The following POTEF variants were observed in gnomAD, a reference collection of about 807,000 sequenced individuals.
POTEF encodes ANKRD26-like family C member 1B.
A neutral mutation model predicts 83.2 loss-of-function variants in POTEF; 20 were observed. The ratio of observed to expected loss-of-function variants is 0.24; its 90% CI spans 0.17 to 0.35. The LOEUF (loss-of-function observed/expected upper bound fraction) is 0.35, where lower values mean the gene tolerates loss of function less well. Among genes scored for constraint, POTEF ranks in the 10% least tolerant of loss-of-function variants. POTEF has a pLI of 1.00. For missense variants in POTEF, 550 were observed against 1,203.2 expected, an observed-to-expected ratio of 0.46 and a Z score of 8.03; for synonymous variants, 196 against 446.4, an observed-to-expected ratio of 0.44 and a Z score of 7.07.
rs1684964189 is a variant in POTEF, at chr2:130,120,251, A to AGTC, written c.262_264dup (p.Asp88dup). 1 of 1,583,562 alleles carries AGTC rather than the reference A, an allele frequency of 6.3e-7. No individual in the cohort carries two copies. The highest frequency in any genetic ancestry group is 1.5e-5 in the African/African-American group (1 of 66,358). ...TTGTTCCTGAGTGTCTTCATAGCAG[A>AGTC]GTCGTCGTGGTCTCCAGAAGCGCCC... On this transcript the variant is annotated inframe_insertion, in exon 3 of 17. Coordinates refer to ENST00000409914, the MANE Select transcript of POTEF (RefSeq NM_001099771.2).
At chr2:130,109,734 G>T (rs1162929552) in intron 7 of POTEF, 2 of 150,914 alleles carry the variant, frequency 1.3e-5, no homozygotes, top group Non-Finnish European at 2.9e-5. Flanking sequence ...CAGCCTCAAA[G>T]GATCTCTTAC....
At chr2:130,119,142 T>C (rs1246729844) in intron 3 of POTEF, among the ~76,000 whole-genome samples, 2 of 151,284 alleles carry the variant, frequency 1.3e-5, no homozygotes, top group African/African-American at 4.9e-5. Context: ...TAGGTAAAAG[T>C]GATAAATAGA....
chr2:130,096,873 CA>C (rs1684251310), intron 11 of POTEF, among the ~76,000 whole-genome samples: 1 of 141,294 alleles, frequency 7.1e-6, no homozygotes, highest in East Asian at 2.1e-4. Context: ...ACCCAAGAGG[CA>C]GAAGTTGTAG....
intron 6 of POTEF, among the ~76,000 whole-genome samples, chr2:130,111,487 G>T (rs1190832206): frequency 6.6e-6 from 1 of 151,872 alleles, no homozygotes; most frequent in East Asian, 1.9e-4. Context: ...CACAGTATGT[G>T]GGAACAGCAA....
At chr2:130,114,807 A>G (rs1684800054) in intron 5 of POTEF, 74 bp downstream of exon 5, 1 of 1,409,972 alleles carries the variant, frequency 7.1e-7, no homozygotes, top group Admixed American at 2.6e-5. Flanking sequence ...AATATGGAAG[A>G]CTGGCCCTTA....
chr2:130,082,867 T>C (rs1469788194), intron 15 of POTEF, among the ~76,000 whole-genome samples: 4 of 1,768 alleles, frequency 2.3e-3, no homozygotes, highest in African/African-American at 0.011. Context: ...ACATGAGGTG[T>C]AGATTTCAGG....
intron 9 of POTEF, among the ~76,000 whole-genome samples, chr2:130,101,439 TAACACCA>T (rs1473530818): frequency 1.3e-5 from 2 of 148,320 alleles, no homozygotes; most frequent in Non-Finnish European, 3.0e-5. Context: ...GTTTGTGCAC[TAACACCA>T]AAGGTTCCAT....
intron 8 of POTEF, among the ~76,000 whole-genome samples, chr2:130,103,923 C>G (rs1461247931): frequency 1.4e-5 from 2 of 140,702 alleles, no homozygotes; most frequent in Admixed American, 7.2e-5. Context: ...AGGGAAAAGG[C>G]CTAAAGATGG....
At chr2:130,106,238 T>C (rs1240412362) in intron 8 of POTEF, among the ~76,000 whole-genome samples, 2 of 150,576 alleles carry the variant, frequency 1.3e-5, no homozygotes, top group African/African-American at 2.5e-5. Context: ...TTAGCCACTG[T>C]TCATCTAGTA....
chr2:130,109,296 C>G (rs1350243806), intron 7 of POTEF: 2 of 142,760 alleles, frequency 1.4e-5, no homozygotes, highest in African/African-American at 2.7e-5. Flanking sequence ...GGATATGTGC[C>G]GCCGAAGCAA....
intron 3 of POTEF, among the ~76,000 whole-genome samples, chr2:130,118,455 G>A (rs1684901529): frequency 6.6e-6 from 1 of 151,990 alleles, no homozygotes; most frequent in East Asian, 1.9e-4. Flanking sequence ...CCAGCACTTG[G>A]GGAGGCCAAG....
chr2:130,119,266 C>A (rs1684933207), intron 3 of POTEF, among the ~76,000 whole-genome samples: 1 of 151,574 alleles, frequency 6.6e-6, no homozygotes, highest in Non-Finnish European at 1.5e-5. Context: ...CGGGTTCACG[C>A]CATTCTCCTG....
chr2:130,117,562 G>T (rs1389776606), intron 3 of POTEF, among the ~76,000 whole-genome samples: 1 of 152,022 alleles, frequency 6.6e-6, no homozygotes. Flanking sequence ...ATGTGTAACC[G>T]ATTTTTTTTC....
Position 130,119,186 on chromosome 2 carries a change from C to G in POTEF, c.521+809G>C, listed in dbSNP as rs577895379. Among the ~76,000 whole-genome samples, 517 of 138,650 alleles carry G rather than the reference C, an allele frequency of 3.7e-3. 5 individuals carry two copies. The highest frequency in any genetic ancestry group is 0.012 in the African/African-American group (453 of 36,684). The allele number at this position is 138,650 out of a possible 152,430, so 91.0% of individuals were successfully genotyped here. A position where few individuals can be genotyped will look rare whatever the true frequency, so the allele number is the denominator to read the frequency against. ...CCATCTTTTTTTTTTTTTTTTGAAA[C>G]GGAGTCTCGCTCTGTTGCCCAGGCT... On this transcript the variant is annotated intron_variant, in intron 3 of 16. Coordinates refer to ENST00000409914, the MANE Select transcript of POTEF (RefSeq NM_001099771.2).
chr2:130,118,568 G>A (rs1228705478), intron 3 of POTEF, among the ~76,000 whole-genome samples: 3 of 149,938 alleles, frequency 2.0e-5, no homozygotes, highest in Non-Finnish European at 3.0e-5. Flanking sequence ...GTGGTGGCAG[G>A]CGCCTGTAAT....
intron 2 of POTEF, among the ~76,000 whole-genome samples, chr2:130,122,050 C>T (rs1558897260): frequency 6.6e-6 from 1 of 151,564 alleles, no homozygotes; most frequent in South Asian, 2.1e-4. Flanking sequence ...CTATTCTGGA[C>T]ATTTCATGTA....
At chr2:130,108,180 A>G (rs948568895) in intron 7 of POTEF, 101 bp from the exon 8 acceptor site, 181 of 1,479,876 alleles carry the variant, frequency 1.2e-4, no homozygotes, top group Non-Finnish European at 1.6e-4. Flanking sequence ...CAATATCAGA[A>G]TAACAGAACT....
At chr2:130,103,422 G>A (rs1684428527) in intron 8 of POTEF, among the ~76,000 whole-genome samples, 1 of 149,870 alleles carries the variant, frequency 6.7e-6, no homozygotes, top group Admixed American at 6.7e-5. Context: ...TTAAAACAAT[G>A]CTATGAGAAC....
At chr2:130,118,940 TC>T (rs1212070756) in intron 3 of POTEF, among the ~76,000 whole-genome samples, 11 of 151,000 alleles carry the variant, frequency 7.3e-5, no homozygotes, top group African/African-American at 2.7e-4. Context: ...TTTCTAAATT[TC>T]CTATTCTGTT....
Sources: gnomAD v4.1 joint callset for allele counts (sites outside exome capture counted in the v4.1 genomes callset) on GRCh38, gnomAD v4.1.1 for gene constraint, MANE v1.5 for transcripts, NCBI Gene and HGNC (gene_info 2026-07-23, HGNC 2026-07-21) for gene names.